TLL1: variants seen among roughly 807,000 people sequenced by gnomAD.
The protein encoded by TLL1 is tolloid like 1.
TLL1 carries 49 observed loss-of-function variants against 128.2 expected under a neutral mutation model. The observed-to-expected ratio is 0.38, with a 90% CI of 0.30 to 0.48. The LOEUF (loss-of-function observed/expected upper bound fraction) is 0.48, where lower values mean the gene tolerates loss of function less well. Ranked by LOEUF, TLL1 falls within the 20% of genes least tolerant of loss-of-function variation. The probability of loss-of-function intolerance (pLI) is 0.96; values close to 1 mark genes in which losing one functional copy is unlikely to be tolerated. For missense variants in TLL1, 1,123 were observed against 1,242.0 expected, an observed-to-expected ratio of 0.90 and a Z score of 1.44; for synonymous variants, 454 against 418.8, an observed-to-expected ratio of 1.08 and a Z score of -1.03.
chr4:165,898,482 G>A (rs917720504), intron 1 of TLL1, among the ~76,000 whole-genome samples: 2 of 152,182 alleles, frequency 1.3e-5, no homozygotes, highest in Non-Finnish European at 2.9e-5. Flanking sequence ...CATCTATTGA[G>A]ATAATCATGT....
At chr4:166,058,133 C>T (rs1215224112) in intron 14 of TLL1, among the ~76,000 whole-genome samples, 1 of 151,818 alleles carries the variant, frequency 6.6e-6, no homozygotes, top group Non-Finnish European at 1.5e-5. Flanking sequence ...TCTATCCATC[C>T]TACCATCATT....
At position 166,028,992 on chromosome 4, in the gene TLL1, A is replaced by G. The variant is rs2111075458; in HGVS notation, c.1158+3561A>G. Among the ~76,000 whole-genome samples the G allele has an allele frequency of 1.3e-5, 2 of 152,012 alleles. 1 individual carries two copies. The highest frequency in any genetic ancestry group is 1.3e-4 in the Admixed American group (2 of 15,260). On this transcript the variant is annotated intron_variant, in intron 9 of 20. Transcript: ENST00000061240. ...TATTGGTGTGTTTTAGACAGTATACAGTCCAGTTTATTTTTCGTTTAACCC... is the reference window on the plus strand; with the variant it reads ...TATTGGTGTGTTTTAGACAGTATACGGTCCAGTTTATTTTTCGTTTAACCC...
At chr4:165,962,363 A>G (rs1735148504) in intron 1 of TLL1, among the ~76,000 whole-genome samples, 1 of 152,190 alleles carries the variant, frequency 6.6e-6, no homozygotes, top group Non-Finnish European at 1.5e-5. Flanking sequence ...AATCAAAACT[A>G]CAGTGAGACA....
At chr4:165,987,212 A>C (rs1281350507) in intron 1 of TLL1, among the ~76,000 whole-genome samples, 1 of 152,088 alleles carries the variant, frequency 6.6e-6, no homozygotes, top group Admixed American at 6.6e-5. Context: ...CCAGTGGATG[A>C]TCAGAGCTAT....
intron 1 of TLL1, among the ~76,000 whole-genome samples, chr4:165,923,560 A>G (rs1237514264): frequency 6.7e-6 from 1 of 149,910 alleles, no homozygotes; most frequent in Admixed American, 6.7e-5. Flanking sequence ...TCCTGTCCTG[A>G]GTAGCTGGGA....
intron 6 of TLL1, among the ~76,000 whole-genome samples, chr4:166,007,215 G>A (rs28420204): frequency 2.0e-5 from 3 of 151,466 alleles, no homozygotes; most frequent in African/African-American, 4.8e-5. Flanking sequence ...TTCAAATTTC[G>A]AGAAATAATA....
chr4:166,072,463 CATTATT>C (rs933771183), intron 16 of TLL1, among the ~76,000 whole-genome samples: 2 of 151,516 alleles, frequency 1.3e-5, no homozygotes, highest in East Asian at 1.9e-4. Context: ...ATTCTGAAAT[CATTATT>C]ATTATTATTT....
intron 1 of TLL1, 119 bp downstream of exon 1, chr4:165,874,192 C>T (rs1730621243): frequency 4.8e-6 from 6 of 1,238,584 alleles, no homozygotes; most frequent in Non-Finnish European, 7.0e-6. Flanking sequence ...CTCCGCCGCC[C>T]CTCCTTCTCT....
chr4:165,955,127 A>T (rs546595997), intron 1 of TLL1, among the ~76,000 whole-genome samples: 3 of 152,274 alleles, frequency 2.0e-5, no homozygotes, highest in African/African-American at 7.2e-5. Flanking sequence ...ATTTCATAAT[A>T]GAGGTGGAAT....
intron 15 of TLL1, among the ~76,000 whole-genome samples, chr4:166,065,451 A>C (rs1286579740): frequency 6.6e-6 from 1 of 151,872 alleles, no homozygotes; most frequent in Non-Finnish European, 1.5e-5. Flanking sequence ...AAATCTCTGA[A>C]CTTCAGTTTT....
intron 1 of TLL1, among the ~76,000 whole-genome samples, chr4:165,949,300 G>A (rs1734399600): frequency 6.6e-6 from 1 of 152,074 alleles, no homozygotes; most frequent in Non-Finnish European, 1.5e-5. Context: ...GAATTTACTT[G>A]AGTGAGATTA....
At chr4:165,890,340 T>C (rs1414352931) in intron 1 of TLL1, among the ~76,000 whole-genome samples, 1 of 152,164 alleles carries the variant, frequency 6.6e-6, no homozygotes, top group African/African-American at 2.4e-5. Context: ...GCTTTCCTAA[T>C]AGTCCCCCAA....
chr4:165,921,928 CAG>C (rs1733061258), intron 1 of TLL1, among the ~76,000 whole-genome samples: 1 of 150,958 alleles, frequency 6.6e-6, no homozygotes, highest in African/African-American at 2.4e-5. Context: ...GGAAAGTAAA[CAG>C]AGCATGAGAA....
intron 1 of TLL1, among the ~76,000 whole-genome samples, chr4:165,917,363 G>T (rs1047778745): frequency 5.3e-5 from 8 of 152,046 alleles, no homozygotes; most frequent in Non-Finnish European, 1.0e-4. Flanking sequence ...TTGAATTCTG[G>T]TTATGGTATT....
chr4:165,922,691 T>G (rs1462870976), intron 1 of TLL1, among the ~76,000 whole-genome samples: 1 of 152,196 alleles, frequency 6.6e-6, no homozygotes, highest in Admixed American at 6.5e-5. Context: ...TTCTCTACTG[T>G]GAAAAGAGAC....
intron 8 of TLL1, among the ~76,000 whole-genome samples, chr4:166,018,456 G>A (rs1738055854): frequency 6.6e-6 from 1 of 151,980 alleles, no homozygotes; most frequent in South Asian, 2.1e-4. Context: ...TGACAAGTGG[G>A]ACTTAATTAA....
intron 1 of TLL1, among the ~76,000 whole-genome samples, chr4:165,941,786 A>T (rs1734022963): frequency 6.6e-6 from 1 of 152,084 alleles, no homozygotes; most frequent in African/African-American, 2.4e-5. Flanking sequence ...AGATTTTAAA[A>T]CATAATTACT....
intron 1 of TLL1, among the ~76,000 whole-genome samples, chr4:165,951,754 T>C (rs1315552016): frequency 6.6e-6 from 1 of 152,094 alleles, no homozygotes; most frequent in African/African-American, 2.4e-5. Flanking sequence ...TACTCAGCCA[T>C]TGTGTTCTAC....
At chr4:166,027,982 C>T (rs555654062) in intron 9 of TLL1, among the ~76,000 whole-genome samples, 13 of 152,014 alleles carry the variant, frequency 8.6e-5, no homozygotes, top group Admixed American at 2.6e-4. Context: ...TTATTTATGA[C>T]GATTAGCAAA....
Sources: allele counts gnomAD v4.1 joint callset (sites outside exome capture counted in the v4.1 genomes callset), GRCh38; gene constraint gnomAD v4.1.1; transcripts MANE v1.5; gene names NCBI Gene and HGNC (gene_info 2026-07-23, HGNC 2026-07-21).